Variants in BCAT1 observed in about 807,000 individuals in gnomAD.
BCAT1 encodes branched-chain-amino-acid aminotransferase, cytosolic.
A neutral mutation model predicts 52.4 loss-of-function variants in BCAT1; 48 were observed. That is an observed-to-expected ratio of 0.92 (90% CI 0.73 to 1.16). The LOEUF (loss-of-function observed/expected upper bound fraction) is 1.16, where lower values mean the gene tolerates loss of function less well. Among genes scored for constraint, BCAT1 ranks in the 50% most tolerant of loss-of-function variants. BCAT1 has a pLI of 0.00. For synonymous variants in BCAT1, 167 were observed against 161.3 expected (o/e 1.04, Z -0.27); for missense variants, 451 against 457.1 (o/e 0.99, Z 0.12).
chr12:24,905,449 A>G (rs1455878884), intron 1 of BCAT1, among the ~76,000 whole-genome samples: 1 of 152,234 alleles, frequency 6.6e-6, no homozygotes, highest in Non-Finnish European at 1.5e-5. Context: ...ACTGCATGCA[A>G]TAATTATTTT....
intron 10 of BCAT1, among the ~76,000 whole-genome samples, chr12:24,818,437 T>C (rs2139305146): frequency 6.6e-6 from 1 of 152,292 alleles, no homozygotes; most frequent in Middle Eastern, 3.4e-3. Context: ...GAAAAAGTGA[T>C]CCTCAAAGTG....
At position 24,949,027 on chromosome 12, in the gene BCAT1, AGCGCGGT is replaced by A; in HGVS notation, c.-102_-96del. On this transcript the variant is annotated 5_prime_UTR_variant, in exon 1 of 11. Transcript: ENST00000261192. ...GTGTGGACCGGGTCTGCGGCTGCAGAGCGCGGTCCCGGCTGCAGCAAGACCTGGGGCA... is the reference window on the plus strand; with the variant it reads ...GTGTGGACCGGGTCTGCGGCTGCAGACCCGGCTGCAGCAAGACCTGGGGCA... 1 of 1,380,616 alleles carries A rather than the reference AGCGCGGT, an allele frequency of 7.2e-7. No individual in the cohort carries two copies. The highest frequency in any genetic ancestry group is 1.0e-6 in the Non-Finnish European group (1 of 997,498). The allele number at this position is 1,380,616 out of a possible 1,614,324, so 85.5% of individuals were successfully genotyped here.
At chr12:24,881,465 G>A (rs977633610) in intron 3 of BCAT1, 54 bp from the exon 4 acceptor site, 5 of 1,202,842 alleles carry the variant, frequency 4.2e-6, no homozygotes, top group Admixed American at 1.7e-5. Context: ...AACAACCCGT[G>A]TTCAAGAGAC....
chr12:24,931,199 C>T (rs947985741), intron 1 of BCAT1, among the ~76,000 whole-genome samples: 1 of 152,026 alleles, frequency 6.6e-6, no homozygotes, highest in African/African-American at 2.4e-5. Context: ...AGCCACTGCA[C>T]CTGGCCCAGG....
intron 1 of BCAT1, among the ~76,000 whole-genome samples, chr12:24,907,526 C>T (rs1054608451): frequency 2.0e-5 from 3 of 152,176 alleles, no homozygotes; most frequent in African/African-American, 4.8e-5. Flanking sequence ...TGATGACATT[C>T]CACTGTTGTG....
At chr12:24,855,034 A>G (rs1202549495) in intron 5 of BCAT1, among the ~76,000 whole-genome samples, 1 of 152,114 alleles carries the variant, frequency 6.6e-6, no homozygotes, top group African/African-American at 2.4e-5. Flanking sequence ...CTTCAAGAGA[A>G]AGTCCAGTCA....
intron 10 of BCAT1, among the ~76,000 whole-genome samples, chr12:24,825,441 C>T (rs1198527741): frequency 7.3e-6 from 1 of 136,966 alleles, no homozygotes; most frequent in Admixed American, 8.0e-5. Context: ...TCTCCACATC[C>T]TCCCAGCATC....
At chr12:24,901,662 T>C (rs1399585039) in intron 2 of BCAT1, among the ~76,000 whole-genome samples, 152 bp downstream of exon 2, 1 of 152,244 alleles carries the variant, frequency 6.6e-6, no homozygotes, top group Non-Finnish European at 1.5e-5. Context: ...TAAATGGCTT[T>C]TTTTCCTCTA....
At chr12:24,877,839 G>C (rs1218776348) in intron 5 of BCAT1, among the ~76,000 whole-genome samples, 1 of 152,158 alleles carries the variant, frequency 6.6e-6, no homozygotes, top group Non-Finnish European at 1.5e-5. Context: ...GGCTGCTTTA[G>C]TACTAAAATG....
At chr12:24,844,777 G>A (rs1361394279) in intron 6 of BCAT1, among the ~76,000 whole-genome samples, 1 of 148,294 alleles carries the variant, frequency 6.7e-6, no homozygotes, top group Non-Finnish European at 1.5e-5. Flanking sequence ...GGCGCCTGTA[G>A]TCCCAGCTAC....
intron 5 of BCAT1, among the ~76,000 whole-genome samples, chr12:24,876,307 AAT>A (rs1942340641): frequency 6.6e-6 from 1 of 151,622 alleles, no homozygotes; most frequent in South Asian, 2.1e-4. Flanking sequence ...AAACTAGATC[AAT>A]ATATTTCATG....
chr12:24,818,766 T>C (rs1939984281), intron 10 of BCAT1, among the ~76,000 whole-genome samples: 1 of 152,202 alleles, frequency 6.6e-6, no homozygotes, highest in Non-Finnish European at 1.5e-5. Flanking sequence ...CATCAGCAAA[T>C]ACTTTGGTTT....
intron 5 of BCAT1, among the ~76,000 whole-genome samples, chr12:24,856,296 A>G (rs1284006651): frequency 6.6e-6 from 1 of 152,062 alleles, no homozygotes; most frequent in Non-Finnish European, 1.5e-5. Flanking sequence ...AACCCCTTCC[A>G]TTGCTCCTCA....
At chr12:24,839,350 G>C (rs1055796152) in intron 7 of BCAT1, among the ~76,000 whole-genome samples, 7 of 152,166 alleles carry the variant, frequency 4.6e-5, no homozygotes, top group African/African-American at 1.4e-4. Flanking sequence ...TGACGTGTCC[G>C]AGAAGACTCA....
rs767143048 is a variant in BCAT1, at chr12:24,894,259, A to C, written c.279+16T>G. On this transcript the variant is annotated intron_variant, in intron 3 of 10. Transcript: ENST00000261192. ...AAGTGCAAGCATGTCACTCTCTTTA[A>C]TTCCCATGTACTTACTTCCACTGCA... 1.2e-6 allele frequency: 2 copies of C among 1,611,798 alleles called. No individual in the cohort carries two copies. The highest frequency in any genetic ancestry group is 1.3e-5 in the African/African-American group (1 of 75,022).
At position 24,851,595 on chromosome 12, in the gene BCAT1, A is replaced by G. The variant is rs564300522; in HGVS notation, c.511-1646T>C. 3.9e-5 allele frequency among the ~76,000 whole-genome samples: 6 copies of G among 152,346 alleles called. No individual in the cohort carries two copies. In the South Asian group the frequency reaches 1.2e-3, roughly 32 times the overall value. ...CCTGGGTGGCCACAACAAACCTATG[A>G]TGGTTGATGGAAGACTATGTTAGAG... On this transcript the variant is annotated intron_variant, in intron 5 of 10. Coordinates refer to ENST00000261192, the MANE Select transcript of BCAT1 (RefSeq NM_005504.7).
In BCAT1 at chr12:24,910,822, G is replaced by A. The variant is rs547936165; in HGVS notation, c.7-8937C>T. Among the ~76,000 whole-genome samples the A allele has an allele frequency of 5.0e-4, 76 of 152,120 alleles. 1 individual carries two copies. Among genetic ancestry groups the A allele is most frequent in the African/African-American group, 1.7e-3 (71 of 41,524 alleles). ...AATGGAGAACTTATAATAAGAACTG[G>A]GGCCAGGCACAGTGGCACACGCCTG... On this transcript the variant is annotated intron_variant, in intron 1 of 10. Coordinates refer to ENST00000261192, the MANE Select transcript of BCAT1 (RefSeq NM_005504.7).
chr12:24,877,798 C>T (rs1046379541), intron 5 of BCAT1, among the ~76,000 whole-genome samples: 2 of 152,180 alleles, frequency 1.3e-5, no homozygotes, highest in Non-Finnish European at 2.9e-5. Context: ...AGGCAAACAG[C>T]ACTGCATTTA....
At position 24,888,527 on chromosome 12, in the gene BCAT1, C is replaced by A. The variant is rs560610497; in HGVS notation, c.279+5748G>T. On this transcript the variant is annotated intron_variant, in intron 3 of 10. Transcript: ENST00000261192. Reference sequence around the variant, plus strand: ...AAAAAAAGAAAGAAAGAAAACAATTCTTTGAGAGCAAGGTCATGGTTGGTT... The same window carrying A: ...AAAAAAAGAAAGAAAGAAAACAATTATTTGAGAGCAAGGTCATGGTTGGTT... Among the ~76,000 whole-genome samples, 9 of 152,238 alleles carry A rather than the reference C, an allele frequency of 5.9e-5. No individual in the cohort carries two copies. In the East Asian group the frequency reaches 1.7e-3, roughly 29 times the overall value.
Sources: gnomAD v4.1 joint callset for allele counts (sites outside exome capture counted in the v4.1 genomes callset) on GRCh38, gnomAD v4.1.1 for gene constraint, MANE v1.5 for transcripts, NCBI Gene and HGNC (gene_info 2026-07-23, HGNC 2026-07-21) for gene names.